The following PTPRN2 variants were observed in gnomAD, a reference collection of about 807,000 sequenced individuals.
PTPRN2 encodes the protein protein tyrosine phosphatase receptor type N2.
In PTPRN2, 74 loss-of-function variants were observed where a neutral mutation model predicts 118.8. The observed-to-expected ratio is 0.62, with a 90% CI of 0.52 to 0.76. The LOEUF (loss-of-function observed/expected upper bound fraction) is 0.76, where lower values mean the gene tolerates loss of function less well. Ranked by LOEUF, PTPRN2 falls within the 30% of genes least tolerant of loss-of-function variation. The pLI is 0.00. For missense variants in PTPRN2, 1,481 were observed against 1,394.4 expected (o/e 1.06, Z -0.99); for synonymous variants, 641 against 608.0 (o/e 1.05, Z -0.80).
At chr7:157,840,046 GGAGT>G (rs1808266399) in intron 12 of PTPRN2, among the ~76,000 whole-genome samples, 1 of 150,876 alleles carries the variant, frequency 6.6e-6, no homozygotes, top group Non-Finnish European at 1.5e-5. Flanking sequence ...GTGACCACAT[GGAGT>G]GTGTGTGACT....
chr7:157,691,072 C>T (rs1797468075), intron 12 of PTPRN2, among the ~76,000 whole-genome samples: 1 of 113,154 alleles, frequency 8.8e-6, no homozygotes, highest in Non-Finnish European at 2.1e-5. Flanking sequence ...CGATGTCCCC[C>T]CCCCCCCCCA....
chr7:157,969,124 C>CTTTTTTTTTT (rs11395845), intron 11 of PTPRN2, among the ~76,000 whole-genome samples: 1 of 149,890 alleles, frequency 6.7e-6, no homozygotes, highest in Non-Finnish European at 1.5e-5. Flanking sequence ...TCAATGTTTC[C>CTTTTTTTTTT]TTTTTTTTTT....
At chr7:158,124,342 T>C (rs1178998636) in intron 9 of PTPRN2, among the ~76,000 whole-genome samples, 1 of 152,248 alleles carries the variant, frequency 6.6e-6, no homozygotes, top group Non-Finnish European at 1.5e-5. Context: ...GGTTTACAGA[T>C]GGTTCTGCAT....
intron 11 of PTPRN2, among the ~76,000 whole-genome samples, chr7:157,989,962 T>A (rs1804116629): frequency 6.6e-6 from 1 of 152,060 alleles, no homozygotes. Flanking sequence ...AAGAAAACTC[T>A]TCTGGGGGCT....
intron 4 of PTPRN2, among the ~76,000 whole-genome samples, chr7:158,199,934 A>G (rs949475564): frequency 1.3e-5 from 2 of 152,196 alleles, no homozygotes; most frequent in African/African-American, 4.8e-5. Context: ...GAATGAAACA[A>G]ATCCATTACT....
intron 9 of PTPRN2, among the ~76,000 whole-genome samples, chr7:158,131,852 CAA>C (rs1491480904): frequency 2.1e-3 from 318 of 151,494 alleles, no homozygotes; most frequent in African/African-American, 7.3e-3. Flanking sequence ...CACACACACA[CAA>C]ATACCTACAA....
chr7:157,673,268 C>A (rs1337042022), intron 13 of PTPRN2, among the ~76,000 whole-genome samples: 3 of 152,182 alleles, frequency 2.0e-5, no homozygotes, highest in Admixed American at 1.3e-4. Flanking sequence ...AGGTGATCTG[C>A]CTGCCTCGGC....
At position 158,425,178 on chromosome 7, in the gene PTPRN2, T is replaced by C. The variant is rs1338036636; in HGVS notation, c.163+64557A>G. Among the ~76,000 whole-genome samples, 130 of 131,164 alleles carry C rather than the reference T, an allele frequency of 9.9e-4. 1 individual carries two copies. Among genetic ancestry groups the C allele is most frequent in the African/African-American group, 2.8e-3 (99 of 35,108 alleles). The allele number at this position is 131,164 out of a possible 152,430, so 86.0% of individuals were successfully genotyped here. On this transcript the variant is annotated intron_variant, in intron 2 of 22. Transcript: ENST00000389418. ...GGAAAGACGCAGAGTACGAGACCAG[T>C]CTAGCTGAGGCCTGCGCACCGCCGG...
At chr7:158,262,579 A>ACT (rs1375543056) in intron 3 of PTPRN2, among the ~76,000 whole-genome samples, 2 of 144,022 alleles carry the variant, frequency 1.4e-5, no homozygotes, top group Admixed American at 1.4e-4. Context: ...ATTCACACAC[A>ACT]GCACACACAT....
intron 2 of PTPRN2, among the ~76,000 whole-genome samples, chr7:158,476,640 G>A (rs918662234): frequency 6.6e-6 from 1 of 152,262 alleles, no homozygotes. Flanking sequence ...CTGACACCGA[G>A]TCAATCTGCT....
At chr7:158,062,934 G>A (rs938432820) in intron 11 of PTPRN2, among the ~76,000 whole-genome samples, 27 of 152,340 alleles carry the variant, frequency 1.8e-4, no homozygotes, top group Admixed American at 1.0e-3. Flanking sequence ...CCCATTGACC[G>A]CCCAAAGGCT....
At chr7:157,698,750 C>A (rs183870818) in intron 12 of PTPRN2, among the ~76,000 whole-genome samples, 1 of 152,114 alleles carries the variant, frequency 6.6e-6, no homozygotes, top group Non-Finnish European at 1.5e-5. Context: ...TTTTAATCAA[C>A]GTATTTGTAA....
Position 157,746,314 on chromosome 7 carries a change from G to A in PTPRN2, c.1789-63377C>T, listed in dbSNP as rs754109478. On this transcript the variant is annotated intron_variant, in intron 12 of 22. Transcript: ENST00000389418. ...CTCCCCTAGACCCTACAGTCCTCAC[G>A]GGGCCCTGAGCAAGGAGATCATGGG... Among the ~76,000 whole-genome samples the A allele has an allele frequency of 3.3e-5, 5 of 150,668 alleles. No homozygotes were observed. The East Asian group carries it at 6.0e-4, about 18-fold the overall frequency.
intron 11 of PTPRN2, among the ~76,000 whole-genome samples, chr7:157,978,974 G>T (rs1305979412): frequency 1.3e-5 from 2 of 152,048 alleles, no homozygotes; most frequent in African/African-American, 4.8e-5. Flanking sequence ...CCAGAGGGGG[G>T]TGGCTCTCTG....
At position 158,190,114 on chromosome 7, in the gene PTPRN2, C is replaced by T. The variant is rs529579498; in HGVS notation, c.549+2213G>A. On this transcript the variant is annotated intron_variant, in intron 5 of 22. Transcript: ENST00000389418. ...AAGATTATTTTATCAACGATAGTTA[C>T]GGTTACAGCTATTGCTGACTGGGCA... 9.5e-4 allele frequency among the ~76,000 whole-genome samples: 145 copies of T among 152,344 alleles called. 1 individual carries two copies. Among genetic ancestry groups the T allele is most frequent in the African/African-American group, 3.2e-3 (135 of 41,584 alleles).
intron 12 of PTPRN2, among the ~76,000 whole-genome samples, chr7:157,741,909 A>G (rs554285407): frequency 7.6e-4 from 115 of 152,310 alleles, no homozygotes; most frequent in Admixed American, 1.4e-3. Context: ...TGTCTGGTTC[A>G]TCTTTGCATT....
At chr7:157,905,757 C>A (rs1797735860) in intron 11 of PTPRN2, among the ~76,000 whole-genome samples, 1 of 152,200 alleles carries the variant, frequency 6.6e-6, no homozygotes, top group South Asian at 2.1e-4. Flanking sequence ...ATGGGGATCA[C>A]TTAATGGCTT....
chr7:158,338,242 G>C (rs1372358841), intron 2 of PTPRN2, among the ~76,000 whole-genome samples: 3 of 49,518 alleles, frequency 6.1e-5, no homozygotes, highest in African/African-American at 1.0e-4. Context: ...CTGTCGTCCG[G>C]AGGCGTCACT....
intron 3 of PTPRN2, among the ~76,000 whole-genome samples, chr7:158,246,584 T>C (rs1384304609): frequency 1.3e-5 from 2 of 151,520 alleles, no homozygotes; most frequent in Admixed American, 6.6e-5. Flanking sequence ...AGTAGGACAA[T>C]CTGTATTTTA....
Sources: gnomAD v4.1 joint callset for allele counts (sites outside exome capture counted in the v4.1 genomes callset) on GRCh38, gnomAD v4.1.1 for gene constraint, MANE v1.5 for transcripts, NCBI Gene and HGNC (gene_info 2026-07-23, HGNC 2026-07-21) for gene names.